Variants in SLCO1A2 observed in about 807,000 individuals in gnomAD.
SLCO1A2 encodes solute carrier organic anion transporter family member 1A2.
A neutral mutation model predicts 69.0 loss-of-function variants in SLCO1A2; 67 were observed. The ratio of observed to expected loss-of-function variants is 0.97; its 90% CI spans 0.80 to 1.19. The LOEUF (loss-of-function observed/expected upper bound fraction) is 1.19, where lower values mean the gene tolerates loss of function less well. Among genes scored for constraint, SLCO1A2 ranks in the 50% most tolerant of loss-of-function variants. SLCO1A2 has a pLI of 0.00. For synonymous variants in SLCO1A2, 260 were observed against 265.9 expected, an observed-to-expected ratio of 0.98 and a Z score of 0.22; for missense variants, 787 against 793.7, an observed-to-expected ratio of 0.99 and a Z score of 0.10.
At chr12:21,279,966 A>AG (rs751155413) in intron 12 of SLCO1A2, among the ~76,000 whole-genome samples, 112 of 141,728 alleles carry the variant, frequency 7.9e-4, no homozygotes, top group Non-Finnish European at 1.5e-3. Flanking sequence ...TAAAATGTAG[A>AG]GTTTTTTTTT....
chr12:21,340,364 C>T (rs1953028153), intron 2 of SLCO1A2, among the ~76,000 whole-genome samples: 1 of 151,944 alleles, frequency 6.6e-6, no homozygotes, highest in Non-Finnish European at 1.5e-5. Flanking sequence ...GTATTTGTTA[C>T]CATTGCTTTG....
intron 5 of SLCO1A2, 106 bp from the exon 6 acceptor site, chr12:21,304,679 C>T: frequency 9.6e-7 from 1 of 1,046,666 alleles, no homozygotes; most frequent in Non-Finnish European, 1.4e-6. Flanking sequence ...GACCATGGCC[C>T]CTTGTCAATG....
At chr12:21,305,904 T>C (rs902453130) in intron 5 of SLCO1A2, among the ~76,000 whole-genome samples, 2 of 152,228 alleles carry the variant, frequency 1.3e-5, no homozygotes, top group African/African-American at 2.4e-5. Flanking sequence ...CATAAAAATG[T>C]TGAGTCATCA....
intron 2 of SLCO1A2, among the ~76,000 whole-genome samples, chr12:21,320,642 G>A (rs935661013): frequency 9.2e-5 from 14 of 152,198 alleles, no homozygotes; most frequent in African/African-American, 2.4e-4. Context: ...GGGGCTACAA[G>A]TGTGTACCAC....
chr12:21,355,708 T>G (rs1482603524), intron 2 of SLCO1A2, among the ~76,000 whole-genome samples: 1 of 152,156 alleles, frequency 6.6e-6, no homozygotes, highest in Non-Finnish European at 1.5e-5. Flanking sequence ...AAAAAACAGA[T>G]GATCTTATAA....
chr12:21,385,762 T>C (rs1250136408), intron 1 of SLCO1A2, among the ~76,000 whole-genome samples: 1 of 152,136 alleles, frequency 6.6e-6, no homozygotes, highest in Non-Finnish European at 1.5e-5. Flanking sequence ...GGAGGATGGG[T>C]AGAGGAGGCT....
rs11568563 is a variant in SLCO1A2, at chr12:21,304,500, T to G, written c.516A>C (p.Glu172Asp). Residue 172 changes from glutamate to aspartate, a missense_variant, in exon 6 of 15, where the codon GAA becomes GAC. Transcript: ENST00000683939. ...LVGNIVRGMGETPILPLGISY... is the reference protein window; with the variant it reads ...LVGNIVRGMGDTPILPLGISY... ...AAATACCCAAAGGCAGGATGGGAGT[T>G]TCACCCATTCCACGTACAATATTGC... The G allele has an allele frequency of 0.054, 87,265 of 1,611,832 alleles. 2,717 individuals carry two copies. The highest frequency in any genetic ancestry group is 0.062 in the Non-Finnish European group (72,870 of 1,178,140).
At chr12:21,347,669 A>AAGGAAGGAAGGAAGGAAGGAAGG (rs1555122068) in intron 2 of SLCO1A2, among the ~76,000 whole-genome samples, 410 of 113,482 alleles carry the variant, frequency 3.6e-3, no homozygotes, top group African/African-American at 8.5e-3. Flanking sequence ...AGAAAGAAAG[A>AAGGAAGGAAGGAAGGAAGGAAGG]AAGGAAGGAA....
chr12:21,270,989 T>G (rs889149910), intron 14 of SLCO1A2, among the ~76,000 whole-genome samples: 1 of 151,780 alleles, frequency 6.6e-6, no homozygotes, highest in Non-Finnish European at 1.5e-5. Context: ...ATCTTTCTAC[T>G]TCTAAAATTT....
intron 2 of SLCO1A2, among the ~76,000 whole-genome samples, chr12:21,333,191 A>T (rs890350629): frequency 6.6e-6 from 1 of 152,110 alleles, no homozygotes; most frequent in African/African-American, 2.4e-5. Flanking sequence ...TTGGAAAAAT[A>T]ATTTATTCTA....
Position 21,313,961 on chromosome 12 carries a change from C to G in SLCO1A2, c.335+588G>C, listed in dbSNP as rs532449130. Reference sequence around the variant, plus strand: ...CCTAGGTGACAGAGCAAGACTGTCTCAAAAAAATAATAATAAATAATAAAA... The same window carrying G: ...CCTAGGTGACAGAGCAAGACTGTCTGAAAAAAATAATAATAAATAATAAAA... On this transcript the variant is annotated intron_variant, in intron 4 of 14. Coordinates refer to ENST00000683939, the MANE Select transcript of SLCO1A2 (RefSeq NM_001386879.1). 1.0e-4 allele frequency among the ~76,000 whole-genome samples: 11 copies of G among 109,036 alleles called. No homozygotes were observed. The East Asian group carries it at 2.6e-3, about 26-fold the overall frequency. 71.5% of individuals were successfully genotyped at this position (109,036 alleles called of 152,430 possible).
At position 21,309,073 on chromosome 12, in the gene SLCO1A2, C is replaced by A. The variant is rs543697491; in HGVS notation, c.336-2085G>T. 2.4e-4 allele frequency among the ~76,000 whole-genome samples: 37 copies of A among 152,092 alleles called. No homozygotes were observed. In the South Asian group the frequency reaches 7.5e-3, roughly 31 times the overall value. ...AAAAGGGACATTCAAAGAATAAGAG[C>A]CCTTGAAAATTAAAAATGTGGTAGC... On this transcript the variant is annotated intron_variant, in intron 4 of 14. Transcript: ENST00000683939.
intron 1 of SLCO1A2, chr12:21,378,299 T>A (rs750354470): frequency 6.2e-7 from 1 of 1,614,198 alleles, no homozygotes; most frequent in South Asian, 1.1e-5. Context: ...CTGGCAAATT[T>A]TTTAGTTCAT....
chr12:21,327,997 T>G (rs922664852), intron 2 of SLCO1A2, among the ~76,000 whole-genome samples: 8 of 152,262 alleles, frequency 5.3e-5, no homozygotes, highest in African/African-American at 1.7e-4. Flanking sequence ...GGGAGGTAAT[T>G]GAAACATGGG....
At chr12:21,277,255 G>A (rs984152933) in intron 12 of SLCO1A2, among the ~76,000 whole-genome samples, 1 of 152,100 alleles carries the variant, frequency 6.6e-6, no homozygotes, top group Admixed American at 6.5e-5. Context: ...CCCATTCCAG[G>A]CCCTAGCTCC....
At chr12:21,310,777 G>C (rs1045670362) in intron 4 of SLCO1A2, among the ~76,000 whole-genome samples, 39 of 152,182 alleles carry the variant, frequency 2.6e-4, no homozygotes, top group African/African-American at 7.7e-4. Context: ...TCATTTTTTT[G>C]TGTTTTTAGT....
chr12:21,377,590 C>G (rs1202210560), intron 1 of SLCO1A2, among the ~76,000 whole-genome samples: 5 of 152,104 alleles, frequency 3.3e-5, no homozygotes, highest in Non-Finnish European at 7.4e-5. Context: ...CCCTGATAAC[C>G]ACCATTCCAC....
At chr12:21,316,800 A>G (rs1188752364) in intron 3 of SLCO1A2, among the ~76,000 whole-genome samples, 1 of 152,170 alleles carries the variant, frequency 6.6e-6, no homozygotes, top group Non-Finnish European at 1.5e-5. Flanking sequence ...TTGCTAATCA[A>G]TAGCTCCAGC....
intron 2 of SLCO1A2, among the ~76,000 whole-genome samples, chr12:21,333,061 T>C (rs1272204422): frequency 2.6e-5 from 4 of 152,132 alleles, no homozygotes; most frequent in African/African-American, 9.6e-5. Context: ...GTGGATATTC[T>C]CTCTTCCCAC....
Sources: allele counts gnomAD v4.1 joint callset (sites outside exome capture counted in the v4.1 genomes callset), GRCh38; gene constraint gnomAD v4.1.1; transcripts MANE v1.5; gene names NCBI Gene and HGNC (gene_info 2026-07-23, HGNC 2026-07-21).